Variants in CTIF observed in about 807,000 individuals in gnomAD.
CTIF encodes the protein CBP80/20-dependent translation initiation factor.
In CTIF, 21 loss-of-function variants were observed where a neutral mutation model predicts 66.0. That is an observed-to-expected ratio of 0.32 (90% CI 0.23 to 0.46). CTIF has a LOEUF of 0.46. Ranked by LOEUF, CTIF falls within the 20% of genes least tolerant of loss-of-function variation. The probability of loss-of-function intolerance (pLI) is 1.00; values close to 1 mark genes in which losing one functional copy is unlikely to be tolerated. For synonymous variants in CTIF, 345 were observed against 326.4 expected, an observed-to-expected ratio of 1.06 and a Z score of -0.62; for missense variants, 739 against 812.7, an observed-to-expected ratio of 0.91 and a Z score of 1.10.
At chr18:48,603,777 G>A (rs1217855816) in intron 1 of CTIF, among the ~76,000 whole-genome samples, 4 of 152,060 alleles carry the variant, frequency 2.6e-5, no homozygotes, top group East Asian at 1.9e-4. Context: ...CATCTTTGGT[G>A]AGGCAACAGA....
intron 1 of CTIF, among the ~76,000 whole-genome samples, chr18:48,587,075 C>A (rs201732476): frequency 3.1e-5 from 4 of 128,030 alleles, no homozygotes; most frequent in Non-Finnish European, 6.7e-5. Context: ...AAGCCACATT[C>A]TTTTTTTTTT....
intron 1 of CTIF, chr18:48,565,352 G>A (rs2089256386): frequency 6.6e-6 from 1 of 152,116 alleles, no homozygotes; most frequent in African/African-American, 2.4e-5. Flanking sequence ...TCGCTGGTGT[G>A]CTGTAGCCTT....
At chr18:48,585,330 T>C (rs1014500489) in intron 1 of CTIF, among the ~76,000 whole-genome samples, 7 of 152,198 alleles carry the variant, frequency 4.6e-5, no homozygotes, top group African/African-American at 1.7e-4. Flanking sequence ...ACATTCACCT[T>C]TTAGAAAGTG....
intron 10 of CTIF, among the ~76,000 whole-genome samples, chr18:48,835,977 C>A (rs2068800044): frequency 6.6e-6 from 1 of 152,200 alleles, no homozygotes; most frequent in South Asian, 2.1e-4. Context: ...CCTCTGCCCC[C>A]CACTGTAGGT....
rs1909024629 is a variant in CTIF, at chr18:48,761,763, G to A, written c.1371+74G>A. The A allele has an allele frequency of 7.0e-7, 1 of 1,430,716 alleles. No homozygotes were observed. Among genetic ancestry groups the A allele is most frequent in the African/African-American group, 1.4e-5 (1 of 70,686 alleles). 88.6% of individuals were successfully genotyped at this position (1,430,716 alleles called of 1,614,324 possible). On this transcript the variant is annotated intron_variant, in intron 9 of 11. Coordinates refer to ENST00000256413, the MANE Select transcript of CTIF (RefSeq NM_014772.3). The surrounding 1 kb of genome is among the most constrained non-coding windows in gnomAD (Gnocchi z 4.2). ...TTCGGTGAGTTATTCCTAGCGAGAA[G>A]GCTGCGAGTTCTGGCCACAGTTGGA...
In CTIF at chr18:48,555,081, C is replaced by CAT. The variant is rs148176619; in HGVS notation, c.-29+15770_-29+15771dup. Among the ~76,000 whole-genome samples, 1,513 of 152,316 alleles carry CAT rather than the reference C, an allele frequency of 9.9e-3. 18 individuals are homozygous for CAT. Among genetic ancestry groups the CAT allele is most frequent in the African/African-American group, 0.035 (1,452 of 41,578 alleles). On this transcript the variant is annotated intron_variant, in intron 1 of 11. Transcript: ENST00000256413. ...CCTCTCCTGGCTTCCCTTCTCTGTA[C>CAT]ATCTCTTTTATCAATGCTTCTCCTA...
intron 1 of CTIF, among the ~76,000 whole-genome samples, chr18:48,577,786 T>C (rs2089567335): frequency 6.6e-6 from 1 of 152,208 alleles, no homozygotes; most frequent in African/African-American, 2.4e-5. Context: ...TGTTGCCCAG[T>C]CTGGCCTCGA....
intron 2 of CTIF, among the ~76,000 whole-genome samples, chr18:48,635,029 G>C (rs1343044975): frequency 6.6e-6 from 1 of 152,116 alleles, no homozygotes; most frequent in Non-Finnish European, 1.5e-5. Flanking sequence ...TTGGCTACTA[G>C]AAAATTTAAA....
chr18:48,646,960 A>AATTG (rs1404541995), intron 3 of CTIF, among the ~76,000 whole-genome samples: 3 of 151,114 alleles, frequency 2.0e-5, no homozygotes, highest in African/African-American at 7.3e-5. Context: ...TTGATTGAGC[A>AATTG]ATTGCACTCC....
intron 2 of CTIF, among the ~76,000 whole-genome samples, chr18:48,630,337 C>G (rs1415759228): frequency 6.6e-6 from 1 of 152,168 alleles, no homozygotes; most frequent in African/African-American, 2.4e-5. Flanking sequence ...TAGCTTCTCA[C>G]TTGTCTTTAT....
At chr18:48,693,802 T>C (rs2091967491) in intron 6 of CTIF, among the ~76,000 whole-genome samples, 1 of 152,228 alleles carries the variant, frequency 6.6e-6, no homozygotes, top group Non-Finnish European at 1.5e-5. Flanking sequence ...GCCACACTTC[T>C]GTAGCTGTTT....
chr18:48,817,105 G>A, intron 9 of CTIF, 116 bp from the exon 10 acceptor site: 2 of 1,017,382 alleles, frequency 2.0e-6, no homozygotes, highest in Admixed American at 2.5e-5. Context: ...TTAAAACATG[G>A]GGTTTGCCTG....
chr18:48,712,800 G>GATT (rs1285503219), intron 7 of CTIF, among the ~76,000 whole-genome samples: 1 of 152,230 alleles, frequency 6.6e-6, no homozygotes, highest in East Asian at 1.9e-4. Flanking sequence ...CCTGAATAGG[G>GATT]ATTATTAGGT....
At chr18:48,846,989 A>G (rs1344966392) in intron 10 of CTIF, among the ~76,000 whole-genome samples, 1 of 152,080 alleles carries the variant, frequency 6.6e-6, no homozygotes, top group East Asian at 1.9e-4. Context: ...GCTCAGGTTG[A>G]CCTGTCACCA....
At chr18:48,636,573 G>C in intron 2 of CTIF, 41 bp from the exon 3 acceptor site, 1 of 1,457,160 alleles carries the variant, frequency 6.9e-7, no homozygotes, top group African/African-American at 1.4e-5. Context: ...GCATGGGCCT[G>C]GCTGTCCTGC....
At chr18:48,611,961 G>T (rs1159083972) in intron 1 of CTIF, among the ~76,000 whole-genome samples, 2 of 152,172 alleles carry the variant, frequency 1.3e-5, no homozygotes, top group Non-Finnish European at 2.9e-5. Context: ...GGTGACAGGG[G>T]ATCAGACGTT....
At chr18:48,818,260 C>T (rs1313996632) in intron 10 of CTIF, among the ~76,000 whole-genome samples, 1 of 152,160 alleles carries the variant, frequency 6.6e-6, no homozygotes, top group East Asian at 1.9e-4. Context: ...AGGTTGGTGG[C>T]TTGGAAGACA....
intron 2 of CTIF, among the ~76,000 whole-genome samples, chr18:48,622,212 G>A (rs2090508051): frequency 6.6e-6 from 1 of 152,178 alleles, no homozygotes; most frequent in South Asian, 2.1e-4. Flanking sequence ...AGGTGGTAGG[G>A]TCAGTGGATT....
intron 1 of CTIF, among the ~76,000 whole-genome samples, chr18:48,569,707 C>T (rs1246158574): frequency 2.0e-5 from 3 of 152,078 alleles, no homozygotes; most frequent in Admixed American, 6.5e-5. Flanking sequence ...CAGTTCAGTT[C>T]GCAGAGGTTG....
Sources: gnomAD v4.1 joint callset for allele counts (sites outside exome capture counted in the v4.1 genomes callset) on GRCh38, gnomAD v4.1.1 for gene constraint, Gnocchi (gnomAD v3.1) non-coding constraint, MANE v1.5 for transcripts, NCBI Gene and HGNC (gene_info 2026-07-23, HGNC 2026-07-21) for gene names.